The following CACHD1 variants were observed in gnomAD, a reference collection of about 807,000 sequenced individuals.
CACHD1 encodes VWFA and cache domain-containing protein 1.
Under a neutral mutation model 138.7 loss-of-function variants are expected in CACHD1, and 71 were observed. The observed-to-expected ratio is 0.51, with a 90% CI of 0.42 to 0.62. CACHD1 has a LOEUF of 0.62. Ranked by LOEUF, CACHD1 falls within the 20% of genes least tolerant of loss-of-function variation. The pLI is 0.00. For missense variants in CACHD1, 1,389 were observed against 1,625.3 expected (o/e 0.85, Z 2.50); for synonymous variants, 578 against 591.5 (o/e 0.98, Z 0.33).
At chr1:64,592,557 A>G (rs1223047852) in intron 3 of CACHD1, among the ~76,000 whole-genome samples, 1 of 152,200 alleles carries the variant, frequency 6.6e-6, no homozygotes, top group Non-Finnish European at 1.5e-5. Context: ...GATCTAGGGG[A>G]AAAATGCTTC....
intron 9 of CACHD1, among the ~76,000 whole-genome samples, chr1:64,649,104 G>A (rs921936000): frequency 6.6e-5 from 10 of 152,090 alleles, no homozygotes; most frequent in Non-Finnish European, 1.2e-4. Flanking sequence ...TAAAACTCAC[G>A]TGTAAAAAGT....
chr1:64,522,569 AGTGTTG>A (rs72172566), intron 1 of CACHD1, among the ~76,000 whole-genome samples: 104,856 of 151,402 alleles, frequency 0.69, 40,800 homozygotes, highest in Non-Finnish European at 0.85. Context: ...AGCCTCCCAA[AGTGTTG>A]GGATTACAGG....
chr1:64,492,150 G>C (rs1488184708), intron 1 of CACHD1, among the ~76,000 whole-genome samples: 1 of 151,030 alleles, frequency 6.6e-6, no homozygotes, highest in Non-Finnish European at 1.5e-5. Flanking sequence ...GGAATAAAAG[G>C]TGAAGAAAAA....
intron 1 of CACHD1, among the ~76,000 whole-genome samples, chr1:64,505,076 G>A (rs1036338164): frequency 1.3e-5 from 2 of 152,060 alleles, no homozygotes; most frequent in African/African-American, 4.8e-5. Flanking sequence ...TTATTTTCTG[G>A]ATGTAGTTCA....
intron 3 of CACHD1, among the ~76,000 whole-genome samples, chr1:64,592,910 G>T (rs1187470705): frequency 6.6e-6 from 1 of 152,148 alleles, no homozygotes; most frequent in Non-Finnish European, 1.5e-5. Context: ...TGTCAAAATA[G>T]GGATGTACAG....
intron 12 of CACHD1, among the ~76,000 whole-genome samples, chr1:64,656,621 T>G (rs1649270614): frequency 6.6e-6 from 1 of 152,198 alleles, no homozygotes; most frequent in African/African-American, 2.4e-5. Context: ...GTTAGTGGGG[T>G]TTTTTTCAAC....
At chr1:64,646,317 G>A (rs777938252) in intron 8 of CACHD1, among the ~76,000 whole-genome samples, 64 of 152,168 alleles carry the variant, frequency 4.2e-4, no homozygotes, top group Admixed American at 7.9e-4. Flanking sequence ...GCTCTGTGCC[G>A]TGCAAAGGGA....
chr1:64,665,707 A>G (rs1649606954), intron 15 of CACHD1, among the ~76,000 whole-genome samples: 1 of 152,164 alleles, frequency 6.6e-6, no homozygotes, highest in South Asian at 2.1e-4. Context: ...TACAGAGTAG[A>G]GGTGCATACT....
chr1:64,664,668 T>C lies in CACHD1; in HGVS notation c.2265T>C (p.Thr755=). ...TCATGGACAAAGCATTTGATCCCAC[T>C]AGGAGACAATGGTGAGTTTTAGGGG... ...GSLMDKAFDP[T]RRQWYLHAVA... is the part of the protein sequence containing the mutation. Residue 755 remains threonine, a synonymous_variant, in exon 15 of 27, where the codon ACT becomes ACC. Transcript: ENST00000651257. The C allele has an allele frequency of 2.5e-6, 4 of 1,614,094 alleles. No homozygotes were observed. Among genetic ancestry groups the C allele is most frequent in the Non-Finnish European group, 3.4e-6 (4 of 1,179,992 alleles).
chr1:64,684,756 C>CAAGCTCCAT (rs1650309213), intron 26 of CACHD1, among the ~76,000 whole-genome samples: 1 of 152,164 alleles, frequency 6.6e-6, no homozygotes, highest in East Asian at 1.9e-4. Flanking sequence ...ACCAATCCTG[C>CAAGCTCCAT]AAGCTCCATT....
Position 64,470,750 on chromosome 1 carries a change from C to A in CACHD1, c.6C>A (p.Ala2=). The A allele has an allele frequency of 2.8e-6, 2 of 705,190 alleles. No homozygotes were observed. Among genetic ancestry groups the A allele is most frequent in the Non-Finnish European group, 4.5e-6 (2 of 449,156 alleles). 43.7% of individuals were successfully genotyped at this position (705,190 alleles called of 1,614,324 possible). A position where few individuals can be genotyped will look rare whatever the true frequency, so the allele number is the denominator to read the frequency against. Residue 2 remains alanine (A), a synonymous_variant, in exon 1 of 27, where the codon GCC becomes GCA. Transcript: ENST00000651257. This position sits in a 1 kb window ranked among gnomAD's most constrained non-coding sequence, Gnocchi z 5.2. ...GGGGAGTGGGGGGAGGCAGCATGGCCCGCCAGCCGGAGGAAGAGGAGACGG... is the reference window on the plus strand; with the variant it reads ...GGGGAGTGGGGGGAGGCAGCATGGCACGCCAGCCGGAGGAAGAGGAGACGG... M[A]RQPEEEETAV...
chr1:64,536,609 C>T (rs142233237), intron 1 of CACHD1, among the ~76,000 whole-genome samples: 4 of 152,244 alleles, frequency 2.6e-5, no homozygotes, highest in East Asian at 1.9e-4. Context: ...GAGAAGTATT[C>T]GGTCCTGCCT....
intron 1 of CACHD1, among the ~76,000 whole-genome samples, chr1:64,477,629 A>ATTTATTTTTTTTTTTATT (rs1553125591): frequency 1.3e-4 from 15 of 114,846 alleles, no homozygotes; most frequent in African/African-American, 6.5e-4. Flanking sequence ...TTATTATTTT[A>ATTTATTTTTTTTTTTATT]TTTTATTTTT....
intron 16 of CACHD1, among the ~76,000 whole-genome samples, chr1:64,667,902 G>C (rs1336463945): frequency 6.6e-6 from 1 of 152,208 alleles, no homozygotes; most frequent in East Asian, 1.9e-4. Flanking sequence ...GTTTATGCTT[G>C]TGTATGTACG....
intron 4 of CACHD1, among the ~76,000 whole-genome samples, chr1:64,609,902 G>C (rs1297799178): frequency 6.6e-6 from 1 of 152,104 alleles, no homozygotes; most frequent in East Asian, 1.9e-4. Context: ...ACATACCTGA[G>C]ACTAGGTAAT....
chr1:64,652,224 TG>T lies in CACHD1; in HGVS notation c.1456del (p.Asp486ThrfsTer2). ...AACCTACTTCTGGGAATTGTAGGTG[TG>T]GACGTGAATCTGGCTTACATTCTTG... ...FGNLLLGIVG[V>X]DVNLAYILED... is the part of the protein sequence containing the mutation. On this transcript the variant is annotated frameshift_variant, in exon 10 of 27. Transcript: ENST00000651257. LOFTEE classifies it high-confidence loss of function. The T allele has an allele frequency of 1.2e-6, 2 of 1,613,814 alleles. No individual in the cohort carries two copies. Among genetic ancestry groups the T allele is most frequent in the Non-Finnish European group, 1.7e-6 (2 of 1,179,760 alleles).
At chr1:64,620,926 C>G (rs1414341323) in intron 4 of CACHD1, among the ~76,000 whole-genome samples, 1 of 152,038 alleles carries the variant, frequency 6.6e-6, no homozygotes, top group East Asian at 1.9e-4. Flanking sequence ...AGGAATGGCC[C>G]TAACTTACAG....
chr1:64,529,762 A>G (rs1349089195), intron 1 of CACHD1, among the ~76,000 whole-genome samples: 3 of 152,152 alleles, frequency 2.0e-5, no homozygotes, highest in East Asian at 3.8e-4. Flanking sequence ...ATTTGACCCT[A>G]TGTTATGTTT....
chr1:64,658,374 T>C (rs531265255), intron 12 of CACHD1, among the ~76,000 whole-genome samples: 1 of 152,358 alleles, frequency 6.6e-6, no homozygotes, highest in Admixed American at 6.5e-5. Flanking sequence ...TATATTATTA[T>C]GTCCTGTTCT....
Sources: gnomAD v4.1 joint callset for allele counts (sites outside exome capture counted in the v4.1 genomes callset) on GRCh38, gnomAD v4.1.1 for gene constraint, Gnocchi (gnomAD v3.1) non-coding constraint, MANE v1.5 for transcripts, NCBI Gene and HGNC (gene_info 2026-07-23, HGNC 2026-07-21) for gene names.